ASH1L: variants seen among roughly 807,000 people sequenced by gnomAD.
The protein encoded by ASH1L is histone-lysine N-methyltransferase ASH1L.
A neutral mutation model predicts 269.0 loss-of-function variants in ASH1L; 23 were observed. The observed-to-expected ratio is 0.09, with a 90% confidence interval of 0.06 to 0.12. The LOEUF (loss-of-function observed/expected upper bound fraction) is 0.12, where lower values mean the gene tolerates loss of function less well. ASH1L is among the 10% of genes least tolerant of loss of function. The pLI is 1.00. For missense variants in ASH1L, 2,912 were observed against 3,567.8 expected, an observed-to-expected ratio of 0.82 and a Z score of 4.68; for synonymous variants, 1,187 against 1,253.5, an observed-to-expected ratio of 0.95 and a Z score of 1.12.
In ASH1L at chr1:155,341,843, A is replaced by G. The variant is rs1417177549; in HGVS notation, c.8460+93T>C. The G allele has an allele frequency of 8.3e-6, 11 of 1,330,680 alleles. No homozygotes were observed. The Admixed American group carries it at 2.0e-4, about 25-fold the overall frequency. The allele number at this position is 1,330,680 out of a possible 1,614,324, so 82.4% of individuals were successfully genotyped here. A position where few individuals can be genotyped will look rare whatever the true frequency, so the allele number is the denominator to read the frequency against. ...GTTTGGGATGGAATTTGGATGAAGA[A>G]GCAGAGAACTACGTGAAGATTTTCG... On this transcript the variant is annotated intron_variant, in intron 25 of 27. Coordinates refer to ENST00000392403, the MANE Select transcript of ASH1L (RefSeq NM_018489.3).
At chr1:155,358,374 T>G (rs112260159) in intron 13 of ASH1L, among the ~76,000 whole-genome samples, 272 of 152,100 alleles carry the variant, frequency 1.8e-3, no homozygotes, top group African/African-American at 6.4e-3. Flanking sequence ...TGTCCTCTCC[T>G]ATATACTTCT....
chr1:155,501,784 T>C (rs543983535), intron 2 of ASH1L, among the ~76,000 whole-genome samples: 1 of 152,132 alleles, frequency 6.6e-6, no homozygotes, highest in Admixed American at 6.5e-5. Flanking sequence ...TGCCTCAGCC[T>C]CCCAAGTAGC....
chr1:155,336,774 T>A lies in ASH1L; in HGVS notation c.*886A>T, dbSNP rs1470498965. ...GAATACTGCTGAACAGTTTATGTAG[T>A]GACTTTTGTTGCAGGGGTGGGTTTA... On this transcript the variant is annotated 3_prime_UTR_variant, in exon 28 of 28. Transcript: ENST00000392403. The A allele has an allele frequency of 2.6e-5, 4 of 152,448 alleles. No homozygotes were observed. The highest frequency in any genetic ancestry group is 3.4e-3 in the Middle Eastern group (1 of 294). 9.4% of individuals were successfully genotyped at this position (152,448 alleles called of 1,614,324 possible).
At chr1:155,384,183 TA>T (rs973303174) in intron 7 of ASH1L, among the ~76,000 whole-genome samples, 1 of 152,212 alleles carries the variant, frequency 6.6e-6, no homozygotes, top group African/African-American at 2.4e-5. Flanking sequence ...GTCTTTTTTT[TA>T]AAATTGTTTC....
chr1:155,506,314 C>A (rs1165358823), intron 2 of ASH1L, among the ~76,000 whole-genome samples: 7 of 152,196 alleles, frequency 4.6e-5, no homozygotes, highest in African/African-American at 1.7e-4. Flanking sequence ...ATAATTGGAA[C>A]TTGTTTGCAG....
rs545707522 is a variant in ASH1L at position 155,461,627 on chromosome 1, G to A, written c.4985-1729C>T. On this transcript the variant is annotated intron_variant, in intron 3 of 27. Coordinates refer to ENST00000392403, the MANE Select transcript of ASH1L (RefSeq NM_018489.3). ...AGAAATAAAAAGCCCAGGCATCAGAGAAGACATAACTTTAAGTATTAATAC... is the reference window on the plus strand; with the variant it reads ...AGAAATAAAAAGCCCAGGCATCAGAAAAGACATAACTTTAAGTATTAATAC... 3.9e-5 allele frequency among the ~76,000 whole-genome samples: 6 copies of A among 152,186 alleles called. No homozygotes were observed. In the East Asian group the frequency reaches 9.6e-4, roughly 24 times the overall value.
chr1:155,529,420 G>A (rs528227823), intron 1 of ASH1L, among the ~76,000 whole-genome samples: 1 of 145,766 alleles, frequency 6.9e-6, no homozygotes, highest in Non-Finnish European at 1.5e-5. Flanking sequence ...CTGTGGTTTT[G>A]ATTTGCATTT....
intron 4 of ASH1L, among the ~76,000 whole-genome samples, chr1:155,454,766 C>G (rs1329536563): frequency 6.6e-6 from 1 of 151,374 alleles, no homozygotes; most frequent in East Asian, 1.9e-4. Context: ...GAGACTCTGT[C>G]AAAAATAATA....
chr1:155,451,852 C>G (rs1454248682), intron 4 of ASH1L, among the ~76,000 whole-genome samples: 1 of 152,116 alleles, frequency 6.6e-6, no homozygotes, highest in East Asian at 1.9e-4. Flanking sequence ...TCCTGAGTAG[C>G]TGGGACTACA....
intron 5 of ASH1L, among the ~76,000 whole-genome samples, chr1:155,431,044 T>C (rs1419779919): frequency 6.6e-6 from 1 of 151,840 alleles, no homozygotes; most frequent in Non-Finnish European, 1.5e-5. Context: ...AAACCCTGTC[T>C]CTACTAAAAA....
At chr1:155,390,691 G>C (rs1657851760) in intron 7 of ASH1L, among the ~76,000 whole-genome samples, 2 of 144,380 alleles carry the variant, frequency 1.4e-5, no homozygotes, top group Admixed American at 7.2e-5. Flanking sequence ...TGTCACCCAG[G>C]CTGGAGTGCA....
chr1:155,436,411 G>A (rs1444726442), intron 5 of ASH1L, among the ~76,000 whole-genome samples: 3 of 150,078 alleles, frequency 2.0e-5, no homozygotes, highest in Middle Eastern at 3.5e-3. Context: ...GGCCGGTCTC[G>A]AACTCCTGAC....
chr1:155,346,304 A>G, intron 21 of ASH1L, 79 bp downstream of exon 21: 2 of 1,562,150 alleles, frequency 1.3e-6, no homozygotes, highest in Non-Finnish European at 1.8e-6. Flanking sequence ...AATTCTGCAA[A>G]GCAGGAGCAG....
Position 155,349,338 on chromosome 1 carries a change from G to A in ASH1L, c.7543C>T (p.Arg2515Trp), listed in dbSNP as rs747531593. ...AFDADMLKVF[R>W]NAEKYYGRKS... Reference sequence around the variant, plus strand: ...TCAGTGAAAAATACCTCAGCATTCCGAAAGACTTTGAGCATGTCAGCATCA... The same window carrying A: ...TCAGTGAAAAATACCTCAGCATTCCAAAAGACTTTGAGCATGTCAGCATCA... The change falls in exon 19 of 28, where the codon CGG becomes TGG. Residue 2515 changes from arginine (R) to tryptophan (W), a missense_variant. Arg to Trp is a moderately radical substitution (Grantham distance 101). Coordinates refer to ENST00000392403, the MANE Select transcript of ASH1L (RefSeq NM_018489.3). 19 of 1,612,046 alleles carry A rather than the reference G, an allele frequency of 1.2e-5. No homozygotes were observed. The highest frequency in any genetic ancestry group is 4.4e-5 in the South Asian group (4 of 90,904).
At position 155,343,502 on chromosome 1, in the gene ASH1L, AGT is replaced by A. The variant is rs1558013849; in HGVS notation, c.8121-18_8121-17del. On this transcript the variant is annotated splice_polypyrimidine_tract_variant and intron_variant, in intron 23 of 27. Transcript: ENST00000392403. The surrounding 1 kb of genome is among the most constrained non-coding windows in gnomAD (Gnocchi z 6.1). ...CCGTTCCTCTCTAAAACAATGGAAA[AGT>A]GAGAAGGGAGAGGTTTAGCTGATTA... 1 of 1,613,504 alleles carries A rather than the reference AGT, an allele frequency of 6.2e-7. No individual in the cohort carries two copies. The highest frequency in any genetic ancestry group is 1.7e-5 in the Admixed American group (1 of 60,000).
intron 5 of ASH1L, 52 bp from the exon 6 acceptor site, chr1:155,415,975 C>T: frequency 6.9e-6 from 9 of 1,300,214 alleles, no homozygotes; most frequent in Non-Finnish European, 9.2e-6. Context: ...AGTTTTCCTA[C>T]AAATAATTGT....
intron 3 of ASH1L, among the ~76,000 whole-genome samples, chr1:155,461,560 G>A (rs1664302719): frequency 6.6e-6 from 1 of 152,046 alleles, no homozygotes; most frequent in South Asian, 2.1e-4. Context: ...GTTCAGATGA[G>A]ATATTTCCAT....
chr1:155,421,736 T>C (rs1660702515), intron 5 of ASH1L, among the ~76,000 whole-genome samples: 2 of 151,898 alleles, frequency 1.3e-5, no homozygotes, highest in Admixed American at 6.6e-5. Flanking sequence ...AAATGTATTG[T>C]AATCAGGACA....
chr1:155,529,982 T>TA (rs367637298), intron 1 of ASH1L, among the ~76,000 whole-genome samples: 19 of 146,540 alleles, frequency 1.3e-4, no homozygotes, highest in East Asian at 1.2e-3. Flanking sequence ...ATAAAAAAAA[T>TA]AAAAAAAAAA....
Sources: gnomAD v4.1 joint callset for allele counts (sites outside exome capture counted in the v4.1 genomes callset) on GRCh38, gnomAD v4.1.1 for gene constraint, Gnocchi (gnomAD v3.1) non-coding constraint, MANE v1.5 for transcripts, NCBI Gene and HGNC (gene_info 2026-07-23, HGNC 2026-07-21) for gene names.